Variants in ARHGEF18 observed in about 807,000 individuals in gnomAD.
The protein encoded by ARHGEF18 is rho guanine nucleotide exchange factor 18.
Under a neutral mutation model 155.7 loss-of-function variants are expected in ARHGEF18, and 93 were observed. The ratio of observed to expected loss-of-function variants is 0.60; its 90% CI spans 0.50 to 0.71. ARHGEF18 has a LOEUF of 0.71. Ranked by LOEUF, ARHGEF18 falls within the 30% of genes least tolerant of loss-of-function variation. The probability of loss-of-function intolerance (pLI) is 0.00; values close to 1 mark genes in which losing one functional copy is unlikely to be tolerated. For missense variants in ARHGEF18, 1,593 were observed against 1,816.1 expected (o/e 0.88, Z 2.23); for synonymous variants, 742 against 753.1 (o/e 0.99, Z 0.24).
At chr19:7,420,894 G>A (rs1973314617) in intron 10 of ARHGEF18, among the ~76,000 whole-genome samples, 1 of 152,124 alleles carries the variant, frequency 6.6e-6, no homozygotes, top group South Asian at 2.1e-4. Context: ...GGTTCACCTG[G>A]GATGGATGGC....
chr19:7,398,400 A>G (rs1467774293), intron 10 of ARHGEF18, among the ~76,000 whole-genome samples: 1 of 152,086 alleles, frequency 6.6e-6, no homozygotes, highest in Non-Finnish European at 1.5e-5. Flanking sequence ...CATACCTTAG[A>G]GAAGCAGAAA....
chr19:7,381,691 TAATAAATAAATA>T lies in ARHGEF18; in HGVS notation c.722+720_722+731del, dbSNP rs57480401. Among the ~76,000 whole-genome samples, 527 of 146,160 alleles carry T rather than the reference TAATAAATAAATA, an allele frequency of 3.6e-3. 4 individuals are homozygous for T. The highest frequency in any genetic ancestry group is 0.012 in the African/African-American group (478 of 38,784). On this transcript the variant is annotated intron_variant, in intron 8 of 28. Transcript: ENST00000668164. ...AAACTCCGTCTCAAAAATAAATAAA[TAATAAATAAATA>T]AATAAATAAATAAATAAATAAAAAT...
rs376240455 is a variant in ARHGEF18, at chr19:7,470,090, G to T, written c.3914-36G>T. The stretch of plus-strand genomic sequence containing the variant: ...GGGCAGCGGGGCTGCGGCACCACCC[G>T]GCGACTGCTCAGTCTGAACCCTCTC... On this transcript the variant is annotated intron_variant, in intron 28 of 28. Coordinates refer to ENST00000668164, the MANE Select transcript of ARHGEF18 (RefSeq NM_001367823.1). This position sits in a 1 kb window ranked among gnomAD's most constrained non-coding sequence, Gnocchi z 5.9. The T allele has an allele frequency of 3.4e-5, 55 of 1,611,504 alleles. No individual in the cohort carries two copies. The African/African-American group carries it at 4.9e-4, about 14-fold the overall frequency.
At chr19:7,379,796 G>A (rs1332956997) in intron 7 of ARHGEF18, among the ~76,000 whole-genome samples, 1 of 152,210 alleles carries the variant, frequency 6.6e-6, no homozygotes, top group South Asian at 2.1e-4. Flanking sequence ...GGAGGCCAAG[G>A]TGAGAGGATC....
At chr19:7,461,271 G>T (rs1405381162) in intron 20 of ARHGEF18, among the ~76,000 whole-genome samples, 2 of 148,974 alleles carry the variant, frequency 1.3e-5, no homozygotes, top group African/African-American at 5.0e-5. Flanking sequence ...AAATTAGGCT[G>T]GGTGCGGTGG....
chr19:7,368,195 A>T (rs1456435653), intron 2 of ARHGEF18, among the ~76,000 whole-genome samples: 2 of 152,018 alleles, frequency 1.3e-5, no homozygotes, highest in African/African-American at 4.8e-5. Context: ...TTACATTTTT[A>T]AAATAAGCAT....
chr19:7,359,050 T>C (rs1969439257), intron 1 of ARHGEF18, among the ~76,000 whole-genome samples: 2 of 152,074 alleles, frequency 1.3e-5, no homozygotes, highest in Non-Finnish European at 2.9e-5. Context: ...GACAGAGCCC[T>C]CAGTTGCCAG....
intron 25 of ARHGEF18, 46 bp downstream of exon 25, chr19:7,467,164 G>T: frequency 6.3e-7 from 1 of 1,578,386 alleles, no homozygotes; most frequent in Non-Finnish European, 8.6e-7. Context: ...TTTCCTGGTT[G>T]GCTGGGGCGC....
chr19:7,428,247 G>T (rs1242943098), intron 10 of ARHGEF18, among the ~76,000 whole-genome samples: 1 of 152,138 alleles, frequency 6.6e-6, no homozygotes, highest in Non-Finnish European at 1.5e-5. Context: ...TTTTCAGGCA[G>T]TTTTTAACTC....
At chr19:7,415,088 A>G (rs922718803) in intron 10 of ARHGEF18, among the ~76,000 whole-genome samples, 1 of 152,126 alleles carries the variant, frequency 6.6e-6, no homozygotes, top group African/African-American at 2.4e-5. Context: ...AATAAAAACC[A>G]CGCATGCCAT....
At chr19:7,369,511 A>G (rs61051007) in intron 2 of ARHGEF18, among the ~76,000 whole-genome samples, 8,287 of 151,222 alleles carry the variant, frequency 0.055, 626 homozygotes, top group East Asian at 0.2. Context: ...AGTTAAACCT[A>G]AAATTGGCTG....
In ARHGEF18 at chr19:7,440,236, A is replaced by G. The variant is rs2145772028; in HGVS notation, c.968-108A>G. The G allele has an allele frequency of 6.4e-7, 1 of 1,552,296 alleles. No individual in the cohort carries two copies. The highest frequency in any genetic ancestry group is 8.7e-7 in the Non-Finnish European group (1 of 1,147,322). On this transcript the variant is annotated intron_variant, in intron 10 of 28. Transcript: ENST00000668164. This position sits in a 1 kb window ranked among gnomAD's most constrained non-coding sequence, Gnocchi z 5.4. ...TTGGATAACGAGCTGCTGACCTCCA[A>G]GATCCTGTCTGTGCTGCGGCCGCAG...
intron 10 of ARHGEF18, among the ~76,000 whole-genome samples, chr19:7,411,868 T>C (rs1972706440): frequency 6.6e-6 from 1 of 152,158 alleles, no homozygotes; most frequent in African/African-American, 2.4e-5. Context: ...ATGTATTCTT[T>C]TGTGACTGGC....
chr19:7,423,311 G>A (rs1259949141), intron 10 of ARHGEF18, among the ~76,000 whole-genome samples: 1 of 152,070 alleles, frequency 6.6e-6, no homozygotes, highest in Non-Finnish European at 1.5e-5. Flanking sequence ...AGATTCTTGA[G>A]GTTTATTTCC....
At chr19:7,428,534 TTAAGTGGAACTTA>T (rs1164067687) in intron 10 of ARHGEF18, among the ~76,000 whole-genome samples, 1 of 152,106 alleles carries the variant, frequency 6.6e-6, no homozygotes, top group Non-Finnish European at 1.5e-5. Context: ...ATTTTTTTTT[TTAAGTGGAACTTA>T]AAATCCCACC....
intron 20 of ARHGEF18, among the ~76,000 whole-genome samples, chr19:7,461,353 A>G (rs772078701): frequency 6.6e-6 from 1 of 152,108 alleles, no homozygotes; most frequent in Non-Finnish European, 1.5e-5. Flanking sequence ...GTTTGAGACC[A>G]GCCTGGCCAA....
intron 14 of ARHGEF18, 50 bp from the exon 15 acceptor site, chr19:7,446,993 C>T (rs756677621): frequency 1.9e-6 from 3 of 1,594,874 alleles, no homozygotes; most frequent in Middle Eastern, 1.7e-4. Context: ...TGAAAATACT[C>T]TTTGGCAGTT....
chr19:7,409,430 CTTTT>C (rs55893809), intron 10 of ARHGEF18, among the ~76,000 whole-genome samples: 24 of 121,156 alleles, frequency 2.0e-4, no homozygotes, highest in Non-Finnish European at 3.4e-4. Flanking sequence ...AATGAAGAGT[CTTTT>C]TTTTTTTTTT....
At chr19:7,477,357 C>A, downstream of ARHGEF18, 1 of 1,557,638 alleles carries the variant, frequency 6.4e-7, no homozygotes, top group Non-Finnish European at 8.7e-7. Context: ...TTGGCCAGGT[C>A]GGCCAGGTTG....
Sources: allele counts gnomAD v4.1 joint callset (sites outside exome capture counted in the v4.1 genomes callset), GRCh38; gene constraint gnomAD v4.1.1; non-coding constraint Gnocchi (gnomAD v3.1); transcripts MANE v1.5; gene names NCBI Gene and HGNC (gene_info 2026-07-23, HGNC 2026-07-21).